The following CHL1 variants were observed in gnomAD, a reference collection of about 807,000 sequenced individuals.
The protein encoded by CHL1 is cell adhesion molecule L1 like, also known as neural cell adhesion molecule L1-like protein.
Under a neutral mutation model 141.9 loss-of-function variants are expected in CHL1, and 96 were observed. That is an observed-to-expected ratio of 0.68 (90% CI 0.57 to 0.80). The LOEUF (loss-of-function observed/expected upper bound fraction) is 0.80, where lower values mean the gene tolerates loss of function less well. Ranked by LOEUF, CHL1 falls within the 30% of genes least tolerant of loss-of-function variation. The pLI is 0.00. For synonymous variants in CHL1, 613 were observed against 502.2 expected (o/e 1.22, Z -2.95); for missense variants, 1,820 against 1,457.2 (o/e 1.25, Z -4.05).
At position 332,609 on chromosome 3, in the gene CHL1, A is replaced by T. The variant is rs142397195; in HGVS notation, c.385+4255A>T. ...GAAGCATCCCGTTTGTCTCAAGTGG[A>T]CATTTCTGAGTTACTGAGATATTTT... On this transcript the variant is annotated intron_variant, in intron 5 of 27. Transcript: ENST00000256509. Among the ~76,000 whole-genome samples the T allele has an allele frequency of 3.8e-4, 58 of 152,260 alleles. No homozygotes were observed. The South Asian group carries it at 8.5e-3, about 22-fold the overall frequency.
chr3:228,478 TAC>T (rs4003420), intron 1 of CHL1, among the ~76,000 whole-genome samples: 75,370 of 149,910 alleles, frequency 0.5, 19,628 homozygotes, highest in Non-Finnish European at 0.59. Flanking sequence ...TAAATATGTG[TAC>T]ACACACACAC....
chr3:254,600 A>T (rs1291276104), intron 2 of CHL1, among the ~76,000 whole-genome samples: 2 of 152,154 alleles, frequency 1.3e-5, no homozygotes, highest in African/African-American at 4.8e-5. Context: ...GTGCTGCTAT[A>T]ATAGAATACC....
At chr3:280,164 A>T (rs867523879) in intron 2 of CHL1, among the ~76,000 whole-genome samples, 92 of 152,296 alleles carry the variant, frequency 6.0e-4, no homozygotes, top group African/African-American at 2.2e-3. Context: ...TAAAAATAAA[A>T]TTTAAAACTG....
chr3:353,449 A>AT (rs1441251547), intron 10 of CHL1, among the ~76,000 whole-genome samples: 1 of 152,220 alleles, frequency 6.6e-6, no homozygotes, highest in Non-Finnish European at 1.5e-5. Flanking sequence ...GGACTAGTGT[A>AT]TTTTAAACCA....
At chr3:257,103 A>G (rs1299032351) in intron 2 of CHL1, among the ~76,000 whole-genome samples, 1 of 152,158 alleles carries the variant, frequency 6.6e-6, no homozygotes, top group Non-Finnish European at 1.5e-5. Flanking sequence ...CACCTCAAAT[A>G]TGGAGGCATT....
intron 5 of CHL1, among the ~76,000 whole-genome samples, chr3:331,607 AT>A (rs1308418146): frequency 1.3e-5 from 2 of 152,148 alleles, no homozygotes; most frequent in African/African-American, 4.8e-5. Flanking sequence ...ATTCTCCTAC[AT>A]TTGATTTTAG....
At chr3:348,609 A>C (rs965247613) in intron 9 of CHL1, among the ~76,000 whole-genome samples, 3 of 152,154 alleles carry the variant, frequency 2.0e-5, no homozygotes, top group African/African-American at 7.2e-5. Context: ...AGGTGGGGAA[A>C]GTTATCATGC....
intron 26 of CHL1, among the ~76,000 whole-genome samples, chr3:399,364 G>A (rs974306862): frequency 2.0e-5 from 3 of 152,142 alleles, no homozygotes; most frequent in African/African-American, 4.8e-5. Context: ...TCTAACTGCC[G>A]GGCGCAGTGG....
chr3:372,302 T>G (rs1003507617), intron 15 of CHL1, among the ~76,000 whole-genome samples: 1 of 152,150 alleles, frequency 6.6e-6, no homozygotes, highest in African/African-American at 2.4e-5. Flanking sequence ...GCTTTGTTCA[T>G]TCCTTTGCAT....
chr3:382,076 G>C (rs909689884), intron 16 of CHL1, 103 bp from the exon 17 acceptor site: 1 of 910,160 alleles, frequency 1.1e-6, no homozygotes, highest in Non-Finnish European at 1.7e-6. Flanking sequence ...GTCCCTAAGA[G>C]GGTGGTACCT....
chr3:375,159 C>G (rs1313370968), intron 15 of CHL1, among the ~76,000 whole-genome samples: 1 of 152,046 alleles, frequency 6.6e-6, no homozygotes, highest in East Asian at 1.9e-4. Flanking sequence ...CTGCAGGTGG[C>G]CATAGACCAT....
chr3:357,114 T>A (rs559420436), intron 11 of CHL1, among the ~76,000 whole-genome samples: 1 of 152,286 alleles, frequency 6.6e-6, no homozygotes, highest in Admixed American at 6.5e-5. Context: ...AATAAACTTA[T>A]GCGAGACCAC....
chr3:279,079 T>G (rs1455295393), intron 2 of CHL1, among the ~76,000 whole-genome samples: 1 of 152,196 alleles, frequency 6.6e-6, no homozygotes, highest in East Asian at 1.9e-4. Context: ...TGCCGGATAT[T>G]CAGTGTCTTA....
intron 2 of CHL1, chr3:308,586 T>G (rs1699451788): frequency 6.7e-6 from 1 of 150,318 alleles, no homozygotes; most frequent in African/African-American, 2.4e-5. Flanking sequence ...ATTATATATA[T>G]AGATAATATC....
In CHL1 at chr3:196,989, C is replaced by G. The variant is rs1052229491; in HGVS notation, c.-249C>G. 1.3e-5 allele frequency: 2 copies of G among 152,192 alleles called. No homozygotes were observed. Among genetic ancestry groups the G allele is most frequent in the African/African-American group, 4.8e-5 (2 of 41,436 alleles). The allele number at this position is 152,192 out of a possible 1,614,324, so 9.4% of individuals were successfully genotyped here. A position where few individuals can be genotyped will look rare whatever the true frequency, so the allele number is the denominator to read the frequency against. On this transcript the variant is annotated 5_prime_UTR_variant, in exon 1 of 28. Coordinates refer to ENST00000256509, the MANE Select transcript of CHL1 (RefSeq NM_006614.4). ...TACCGGACCCTGCGCGCCCCCGTCC[C>G]GGCTCCCGGCCGGCTCGGGGGAGAA...
chr3:242,211 C>G (rs1325664138), intron 1 of CHL1, among the ~76,000 whole-genome samples: 1 of 152,062 alleles, frequency 6.6e-6, no homozygotes, highest in East Asian at 1.9e-4. Context: ...GTATATATTT[C>G]CATATTTCTT....
At chr3:345,644 T>C (rs61396335) in intron 9 of CHL1, among the ~76,000 whole-genome samples, 4,767 of 151,966 alleles carry the variant, frequency 0.031, 267 homozygotes, top group African/African-American at 0.11. Flanking sequence ...CCACCACACC[T>C]GGCCAGTTTT....
chr3:288,650 C>G (rs1697386599), intron 2 of CHL1, among the ~76,000 whole-genome samples: 1 of 152,186 alleles, frequency 6.6e-6, no homozygotes, highest in Non-Finnish European at 1.5e-5. Flanking sequence ...CCCCCTACCT[C>G]TACTGGTCAA....
intron 5 of CHL1, among the ~76,000 whole-genome samples, chr3:331,881 G>A (rs973952309): frequency 6.6e-6 from 1 of 152,118 alleles, no homozygotes; most frequent in African/African-American, 2.4e-5. Flanking sequence ...AGTGATAAAA[G>A]CATTTGATCC....
Sources: allele counts gnomAD v4.1 joint callset (sites outside exome capture counted in the v4.1 genomes callset), GRCh38; gene constraint gnomAD v4.1.1; transcripts MANE v1.5; gene names NCBI Gene and HGNC (gene_info 2026-07-23, HGNC 2026-07-21).